Variants in CTNNA2 observed in about 807,000 individuals in gnomAD.
CTNNA2 encodes catenin alpha 2.
In CTNNA2, 42 loss-of-function variants were observed where a neutral mutation model predicts 101.0. The ratio of observed to expected loss-of-function variants is 0.42; its 90% CI spans 0.32 to 0.54. CTNNA2 has a LOEUF of 0.54. Among genes scored for constraint, CTNNA2 ranks in the 20% least tolerant of loss-of-function variants. The pLI is 0.14. For missense variants in CTNNA2, 871 were observed against 1,223.1 expected, an observed-to-expected ratio of 0.71 and a Z score of 4.29; for synonymous variants, 450 against 456.4, an observed-to-expected ratio of 0.99 and a Z score of 0.18.
intron 7 of CTNNA2, among the ~76,000 whole-genome samples, chr2:80,002,047 T>C (rs1472396361): frequency 6.6e-6 from 1 of 152,206 alleles, no homozygotes; most frequent in Non-Finnish European, 1.5e-5. Context: ...CTTTAAACAA[T>C]GTGTTTTTTA....
intron 3 of CTNNA2, among the ~76,000 whole-genome samples, chr2:79,348,142 A>G (rs976174738): frequency 2.6e-5 from 4 of 152,198 alleles, no homozygotes; most frequent in South Asian, 4.1e-4. Flanking sequence ...AACAAAATGC[A>G]AAACGACTTA....
intron 7 of CTNNA2, among the ~76,000 whole-genome samples, chr2:80,054,770 G>A (rs1445992765): frequency 1.3e-5 from 2 of 152,120 alleles, no homozygotes; most frequent in Non-Finnish European, 2.9e-5. Flanking sequence ...AGGTATACTG[G>A]TAGCAGAAGA....
At chr2:79,282,414 C>G (rs562145681) in intron 2 of CTNNA2, among the ~76,000 whole-genome samples, 35 of 152,212 alleles carry the variant, frequency 2.3e-4, no homozygotes, top group African/African-American at 3.1e-4. Context: ...CCGCTCCCCC[C>G]ACCCTACAAC....
intron 4 of CTNNA2, among the ~76,000 whole-genome samples, chr2:79,489,166 T>C (rs1174180169): frequency 6.6e-6 from 1 of 152,176 alleles, no homozygotes; most frequent in Admixed American, 6.5e-5. Context: ...TTTCATTCCC[T>C]TTTATTCTCT....
chr2:80,100,532 T>A (rs1183593731), intron 7 of CTNNA2, among the ~76,000 whole-genome samples: 1 of 152,216 alleles, frequency 6.6e-6, no homozygotes, highest in Non-Finnish European at 1.5e-5. Context: ...ATATTTGTTT[T>A]TTTTCACACA....
chr2:80,532,195 T>C (rs968392335), intron 9 of CTNNA2, among the ~76,000 whole-genome samples: 2 of 152,194 alleles, frequency 1.3e-5, no homozygotes, highest in East Asian at 1.9e-4. Context: ...CAACAGTATA[T>C]GGTAGTCCCC....
intron 2 of CTNNA2, among the ~76,000 whole-genome samples, chr2:79,258,467 G>A (rs1417239701): frequency 1.3e-5 from 2 of 152,130 alleles, no homozygotes; most frequent in African/African-American, 4.8e-5. Context: ...CTCTGGACTT[G>A]AATCTGTAAA....
chr2:80,163,091 A>T (rs549044193), intron 7 of CTNNA2: 10 of 1,580,736 alleles, frequency 6.3e-6, no homozygotes, highest in Non-Finnish European at 8.7e-6. Flanking sequence ...TCACAAACGC[A>T]AACTGCTTTG....
intron 7 of CTNNA2, among the ~76,000 whole-genome samples, chr2:80,070,155 A>G (rs1698236992): frequency 6.6e-6 from 1 of 152,184 alleles, no homozygotes; most frequent in African/African-American, 2.4e-5. Context: ...AGTGGGTGAG[A>G]TGATTCTAAT....
intron 12 of CTNNA2, among the ~76,000 whole-genome samples, chr2:80,567,205 C>T (rs773543028): frequency 7.2e-5 from 11 of 151,880 alleles, no homozygotes; most frequent in Non-Finnish European, 1.0e-4. Flanking sequence ...TGGGGGAATA[C>T]TTAAAGACCT....
intron 3 of CTNNA2, among the ~76,000 whole-genome samples, chr2:79,833,156 C>T (rs906169537): frequency 6.6e-6 from 1 of 152,148 alleles, no homozygotes; most frequent in African/African-American, 2.4e-5. Context: ...TATTCCAATT[C>T]GTTGGGGTTT....
chr2:80,251,556 A>T (rs1179129552), intron 7 of CTNNA2, among the ~76,000 whole-genome samples: 1 of 152,180 alleles, frequency 6.6e-6, no homozygotes, highest in Non-Finnish European at 1.5e-5. Context: ...CTCCCATTAC[A>T]TTATAAAGAA....
At chr2:80,042,978 T>C (rs774877069) in intron 7 of CTNNA2, among the ~76,000 whole-genome samples, 3 of 151,966 alleles carry the variant, frequency 2.0e-5, no homozygotes, top group Non-Finnish European at 4.4e-5. Flanking sequence ...CTTTCTTTCC[T>C]TCCCTTCCTT....
intron 7 of CTNNA2, among the ~76,000 whole-genome samples, chr2:80,134,643 G>A (rs913659131): frequency 3.3e-5 from 5 of 152,108 alleles, no homozygotes; most frequent in Non-Finnish European, 5.9e-5. Context: ...GGCCAGCTTT[G>A]TCTCTTCAGC....
intron 2 of CTNNA2, among the ~76,000 whole-genome samples, chr2:79,671,917 C>G (rs1682866112): frequency 6.6e-6 from 1 of 152,142 alleles, no homozygotes; most frequent in Admixed American, 6.5e-5. Flanking sequence ...TTAACAATAT[C>G]TACATGTATA....
chr2:79,676,345 G>A (rs115945029), intron 2 of CTNNA2, among the ~76,000 whole-genome samples: 1 of 152,092 alleles, frequency 6.6e-6, no homozygotes, highest in Non-Finnish European at 1.5e-5. Context: ...GCTGACTTCT[G>A]GGAGCAGCAG....
chr2:80,284,618 A>G (rs780908332), intron 7 of CTNNA2, among the ~76,000 whole-genome samples: 11 of 138,270 alleles, frequency 8.0e-5, no homozygotes, highest in Non-Finnish European at 1.3e-4. Context: ...CTGACATTCA[A>G]TCACACATTT....
At chr2:79,453,913 T>G (rs539120329) in intron 4 of CTNNA2, among the ~76,000 whole-genome samples, 1 of 152,242 alleles carries the variant, frequency 6.6e-6, no homozygotes, top group Non-Finnish European at 1.5e-5. Context: ...CCAAAATAGT[T>G]ACCCTAATAA....
intron 7 of CTNNA2, among the ~76,000 whole-genome samples, chr2:80,265,486 T>G (rs1263869541): frequency 6.6e-6 from 1 of 152,216 alleles, no homozygotes; most frequent in Admixed American, 6.5e-5. Context: ...TCTGGAGACA[T>G]TTGGAATTTC....
Sources: allele counts gnomAD v4.1 joint callset (sites outside exome capture counted in the v4.1 genomes callset), GRCh38; gene constraint gnomAD v4.1.1; transcripts MANE v1.5; gene names NCBI Gene and HGNC (gene_info 2026-07-23, HGNC 2026-07-21).